C11orf58: variants seen among roughly 807,000 people sequenced by gnomAD.
C11orf58 encodes small acidic protein.
In C11orf58, 5 loss-of-function variants were observed where a neutral mutation model predicts 22.7. That is an observed-to-expected ratio of 0.22 (90% confidence interval 0.12 to 0.46). The LOEUF is 0.46. C11orf58 is among the 20% of genes least tolerant of loss of function. The pLI is 0.99. For missense variants in C11orf58, 151 were observed against 223.3 expected (o/e 0.68, Z 2.06); for synonymous variants, 71 against 70.7 (o/e 1.00, Z -0.02).
At chr11:16,742,449 A>G (rs1848455783) in intron 1 of C11orf58, among the ~76,000 whole-genome samples, 1 of 152,238 alleles carries the variant, frequency 6.6e-6, no homozygotes, top group African/African-American at 2.4e-5. Flanking sequence ...TCAGAACTGA[A>G]GCTTCACCAT....
At chr11:16,740,217 G>A (rs1001623192) in intron 1 of C11orf58, among the ~76,000 whole-genome samples, 2 of 152,144 alleles carry the variant, frequency 1.3e-5, no homozygotes, top group Admixed American at 6.5e-5. Context: ...TTGATTGCTA[G>A]GATATCAGAC....
rs143609026 is a variant in C11orf58, at chr11:16,754,681, C to T, written c.319-190C>T. On this transcript the variant is annotated intron_variant, in intron 4 of 4. Transcript: ENST00000228136. ...TCAGCCTCTTGAGTAGCTGGAATCCCAGCCACAGGTATGAGCCACTGGGCC... is the reference window on the plus strand; with the variant it reads ...TCAGCCTCTTGAGTAGCTGGAATCCTAGCCACAGGTATGAGCCACTGGGCC... Among the ~76,000 whole-genome samples the T allele has an allele frequency of 2.2e-3, 329 of 149,694 alleles. 2 individuals carry two copies. Among genetic ancestry groups the T allele is most frequent in the African/African-American group, 8.0e-3 (325 of 40,750 alleles).
In C11orf58 at chr11:16,738,735, A is replaced by T. The variant is rs1409683115; in HGVS notation, c.-44A>T. The T allele has an allele frequency of 1.9e-6, 3 of 1,608,502 alleles. No homozygotes were observed. The African/African-American group carries it at 4.0e-5, about 22-fold the overall frequency. On this transcript the variant is annotated 5_prime_UTR_variant, in exon 1 of 5. Coordinates refer to ENST00000228136, the MANE Select transcript of C11orf58 (RefSeq NM_014267.6). ...AGCTGCTGGTTTTGCGGCTGGGAAGAGCGGCGAGAGGGTTCGGCATTTTTC... is the reference window on the plus strand; with the variant it reads ...AGCTGCTGGTTTTGCGGCTGGGAAGTGCGGCGAGAGGGTTCGGCATTTTTC...
chr11:16,754,805 G>A (rs529032528), intron 4 of C11orf58, 66 bp from the exon 5 acceptor site: 92 of 1,583,152 alleles, frequency 5.8e-5, no homozygotes, highest in East Asian at 2.5e-4. Flanking sequence ...CAGAACTTAC[G>A]GTCTTTCTCA....
chr11:16,745,983 G>A (rs1848484822), intron 2 of C11orf58, among the ~76,000 whole-genome samples: 1 of 152,146 alleles, frequency 6.6e-6, no homozygotes, highest in African/African-American at 2.4e-5. Context: ...GCTGGATCCT[G>A]GGTGGTCATA....
At chr11:16,754,814 C>A in intron 4 of C11orf58, 57 bp from the exon 5 acceptor site, 2 of 1,589,880 alleles carry the variant, frequency 1.3e-6, no homozygotes, top group South Asian at 2.3e-5. Context: ...CGGTCTTTCT[C>A]AGATTTTGTA....
In C11orf58 at chr11:16,758,168, T is replaced by A. The variant is rs899742435; in HGVS notation, c.*3064T>A. Among the ~76,000 whole-genome samples, 2 of 152,038 alleles carry A rather than the reference T, an allele frequency of 1.3e-5. No homozygotes were observed. Among genetic ancestry groups the A allele is most frequent in the Non-Finnish European group, 2.9e-5 (2 of 68,024 alleles). On this transcript the variant is annotated 3_prime_UTR_variant, in exon 5 of 5. Transcript: ENST00000228136. Reference sequence around the variant, plus strand: ...CGTAGTCTGTTTCCACCTCTGTAAGTCCTATCTAGGCTTCCTGATCTATCA... The same window carrying A: ...CGTAGTCTGTTTCCACCTCTGTAAGACCTATCTAGGCTTCCTGATCTATCA...
intron 1 of C11orf58, among the ~76,000 whole-genome samples, chr11:16,740,560 ACAGGTGTG>A (rs1318178268): frequency 6.6e-6 from 1 of 151,884 alleles, no homozygotes; most frequent in Non-Finnish European, 1.5e-5. Flanking sequence ...AGCTCGGACT[ACAGGTGTG>A]CACCATTACA....
At chr11:16,744,479 A>G (rs1416949997) in intron 1 of C11orf58, 122 bp from the exon 2 acceptor site, 5 of 705,930 alleles carry the variant, frequency 7.1e-6, no homozygotes, top group Non-Finnish European at 9.7e-6. Flanking sequence ...AGCAAGAAAA[A>G]TGAACGCTGT....
intron 1 of C11orf58, among the ~76,000 whole-genome samples, chr11:16,742,797 CT>C (rs1358577863): frequency 6.6e-6 from 1 of 151,990 alleles, no homozygotes; most frequent in Non-Finnish European, 1.5e-5. Context: ...AATTTATATT[CT>C]TTGTTTTCCT....
intron 2 of C11orf58, among the ~76,000 whole-genome samples, 182 bp downstream of exon 2, chr11:16,744,866 ACTTCTAGGATT>A (rs1373546298): frequency 6.6e-6 from 1 of 152,190 alleles, no homozygotes; most frequent in Non-Finnish European, 1.5e-5. Context: ...TTTTTGAGCC[ACTTCTAGGATT>A]CTCTGTCCGT....
chr11:16,750,710 A>C (rs1302291480), intron 3 of C11orf58: 1 of 154,196 alleles, frequency 6.5e-6, no homozygotes, highest in African/African-American at 2.4e-5. Flanking sequence ...GTGCATGAGG[A>C]TATATTATGT....
At chr11:16,741,668 T>G (rs1848449516) in intron 1 of C11orf58, among the ~76,000 whole-genome samples, 1 of 152,234 alleles carries the variant, frequency 6.6e-6, no homozygotes, top group Non-Finnish European at 1.5e-5. Flanking sequence ...TGGCTTGCAT[T>G]ACCACCTGAG....
chr11:16,746,459 TA>T (rs1176991266), intron 2 of C11orf58, among the ~76,000 whole-genome samples: 2 of 152,210 alleles, frequency 1.3e-5, no homozygotes, highest in African/African-American at 4.8e-5. Context: ...TTGTTTTCAT[TA>T]TAGGTTGTTT....
At chr11:16,749,047 T>C (rs775374666) in intron 3 of C11orf58, 1 of 152,224 alleles carries the variant, frequency 6.6e-6, no homozygotes, top group South Asian at 2.1e-4. Context: ...TTTTAAAATC[T>C]TTGAAGAATA....
At chr11:16,754,747 T>C in intron 4 of C11orf58, 124 bp from the exon 5 acceptor site, 1 of 1,463,998 alleles carries the variant, frequency 6.8e-7, no homozygotes, top group South Asian at 1.4e-5. Flanking sequence ...ACTCAAGTCT[T>C]AAAGCTGTTG....
At chr11:16,753,928 G>T in intron 4 of C11orf58, 1 of 558,926 alleles carries the variant, frequency 1.8e-6, no homozygotes, top group South Asian at 2.3e-5. Context: ...CAAAACTCCT[G>T]GGTTCAAGCG....
chr11:16,758,158 C>T lies in C11orf58; in HGVS notation c.*3054C>T, dbSNP rs138682793. 2.2e-3 allele frequency among the ~76,000 whole-genome samples: 328 copies of T among 152,316 alleles called. 2 individuals carry two copies. The highest frequency in any genetic ancestry group is 7.6e-3 in the African/African-American group (316 of 41,580). On this transcript the variant is annotated 3_prime_UTR_variant, in exon 5 of 5. Transcript: ENST00000228136. ...TGTGTTAGGGCGTAGTCTGTTTCCA[C>T]CTCTGTAAGTCCTATCTAGGCTTCC...
At chr11:16,753,587 T>A (rs1176643228) in intron 4 of C11orf58, among the ~76,000 whole-genome samples, 1 of 151,122 alleles carries the variant, frequency 6.6e-6, no homozygotes, top group Non-Finnish European at 1.5e-5. Flanking sequence ...GGCCTTGAAC[T>A]ACTGAGCTCA....
Sources: gnomAD v4.1 joint callset for allele counts (sites outside exome capture counted in the v4.1 genomes callset) on GRCh38, gnomAD v4.1.1 for gene constraint, MANE v1.5 for transcripts, NCBI Gene and HGNC (gene_info 2026-07-23, HGNC 2026-07-21) for gene names.